GPC3: variants seen among roughly 807,000 people sequenced by gnomAD.
The protein encoded by GPC3 is glypican-3.
In GPC3, 3 loss-of-function variants were observed where a neutral mutation model predicts 34.4. The ratio of observed to expected loss-of-function variants is 0.09; its 90% confidence interval spans 0.04 to 0.23. The LOEUF (loss-of-function observed/expected upper bound fraction) is 0.23, where lower values mean the gene tolerates loss of function less well. Among genes scored for constraint, GPC3 ranks in the 10% least tolerant of loss-of-function variants. The pLI, the probability that GPC3 is intolerant of heterozygous loss-of-function variation, is 1.00. For missense variants in GPC3, 351 were observed against 445.6 expected (o/e 0.79, Z 1.91); for synonymous variants, 177 against 174.0 (o/e 1.02, Z -0.13).
chrX:133,649,422 T>C (rs777241137), intron 6 of GPC3, among the ~76,000 whole-genome samples: 7 of 111,296 alleles, frequency 6.3e-5, no homozygotes, highest in Non-Finnish European at 1.1e-4. Context: ...AAAGCTCAGA[T>C]CTGAGTTCCA....
chrX:133,893,009 A>G (rs1286509878), intron 2 of GPC3, among the ~76,000 whole-genome samples: 12 of 111,775 alleles, frequency 1.1e-4, no homozygotes, highest in Non-Finnish European at 2.3e-4. Context: ...TAATCCCAGA[A>G]CTTTGGGAGG....
chrX:133,765,861 A>T (rs2071839520), intron 2 of GPC3, among the ~76,000 whole-genome samples: 1 of 111,993 alleles, frequency 8.9e-6, no homozygotes, highest in African/African-American at 3.2e-5. Context: ...TCCATCATTA[A>T]TGAGAAGTAT....
intron 2 of GPC3, among the ~76,000 whole-genome samples, chrX:133,822,387 T>C (rs2075723979): frequency 8.9e-6 from 1 of 111,970 alleles, no homozygotes; most frequent in Admixed American, 9.5e-5. Context: ...AAGTGCTTCC[T>C]TTAAGTGAAA....
chrX:133,807,212 T>C (rs2075640881), intron 2 of GPC3, among the ~76,000 whole-genome samples: 1 of 110,563 alleles, frequency 9.0e-6, no homozygotes, highest in Non-Finnish European at 1.9e-5. Flanking sequence ...GTTCTCACTC[T>C]ATTAGTTTTT....
At chrX:133,712,978 C>T (rs1432513392) in intron 3 of GPC3, among the ~76,000 whole-genome samples, 1 of 112,242 alleles carries the variant, frequency 8.9e-6, no homozygotes, top group Non-Finnish European at 1.9e-5. Flanking sequence ...ATGCCACTCT[C>T]CAATGATGGA....
chrX:133,773,892 T>C (rs1420161989), intron 2 of GPC3, among the ~76,000 whole-genome samples: 1 of 111,821 alleles, frequency 8.9e-6, no homozygotes, highest in Admixed American at 9.5e-5. Context: ...CAGGACTACC[T>C]GAGTGTTAAG....
intron 3 of GPC3, among the ~76,000 whole-genome samples, chrX:133,716,287 G>A (rs111650394): frequency 9.0e-6 from 1 of 111,557 alleles, no homozygotes; most frequent in African/African-American, 3.3e-5. Context: ...AAGAAAGCAT[G>A]GCCCATCCAC....
At chrX:133,680,934 C>T (rs1452854694) in intron 5 of GPC3, among the ~76,000 whole-genome samples, 1 of 111,155 alleles carries the variant, frequency 9.0e-6, no homozygotes, top group East Asian at 2.8e-4. Flanking sequence ...ACCATTTGAA[C>T]CAACCATGAC....
intron 1 of GPC3, among the ~76,000 whole-genome samples, chrX:133,984,552 G>A (rs1435900145): frequency 8.9e-6 from 1 of 111,928 alleles, no homozygotes; most frequent in Non-Finnish European, 1.9e-5. Context: ...AGCCTGTCAA[G>A]AAGGCAGATG....
intron 1 of GPC3, among the ~76,000 whole-genome samples, chrX:133,959,889 G>A (rs775926029): frequency 8.9e-6 from 1 of 112,017 alleles, no homozygotes; most frequent in Non-Finnish European, 1.9e-5. Flanking sequence ...TAGGTTACTG[G>A]TTACATGGGT....
chrX:133,649,507 T>G (rs762050526), intron 6 of GPC3, among the ~76,000 whole-genome samples: 1 of 111,063 alleles, frequency 9.0e-6, no homozygotes, highest in Non-Finnish European at 1.9e-5. Flanking sequence ...CAATTACTGA[T>G]CAATCAATTT....
chrX:133,945,013 G>T (rs956295449), intron 2 of GPC3, among the ~76,000 whole-genome samples: 3 of 111,922 alleles, frequency 2.7e-5, no homozygotes, highest in Non-Finnish European at 3.8e-5. Flanking sequence ...CTAGGTGTTT[G>T]CCCCTTCCAA....
chrX:133,723,511 T>C (rs2071386877), intron 3 of GPC3, among the ~76,000 whole-genome samples: 1 of 112,310 alleles, frequency 8.9e-6, no homozygotes, highest in Non-Finnish European at 1.9e-5. Context: ...CATGTTGAAA[T>C]GTGATCTCCC....
At chrX:133,952,947 ATGC>A (rs1392818903) in intron 2 of GPC3, 100 bp downstream of exon 2, 1 of 771,933 alleles carries the variant, frequency 1.3e-6, no homozygotes, top group Admixed American at 2.3e-5. Context: ...GCAAGCATTA[ATGC>A]TGGAATGGTA....
intron 1 of GPC3, among the ~76,000 whole-genome samples, chrX:133,975,739 A>G (rs2076511927): frequency 8.9e-6 from 1 of 112,267 alleles, no homozygotes. Context: ...TGCTCAATAA[A>G]TGTTGGTTGA....
intron 2 of GPC3, among the ~76,000 whole-genome samples, chrX:133,948,127 C>G (rs755744299): frequency 5.4e-5 from 6 of 110,866 alleles, no homozygotes; most frequent in Non-Finnish European, 7.6e-5. Context: ...ATAATAAAAA[C>G]TAAATTAGCA....
intron 2 of GPC3, among the ~76,000 whole-genome samples, chrX:133,901,019 T>C (rs1251852569): frequency 8.9e-6 from 1 of 112,391 alleles, no homozygotes; most frequent in African/African-American, 3.2e-5. Context: ...GGAATTTCTG[T>C]TTGAATCAAA....
intron 2 of GPC3, among the ~76,000 whole-genome samples, chrX:133,757,839 G>A (rs760335001): frequency 1.8e-5 from 2 of 111,855 alleles, no homozygotes; most frequent in East Asian, 2.8e-4. Context: ...TATTTATGAA[G>A]TAACTGCAAG....
Position 133,641,235 on chromosome X carries a change from G to T in GPC3, c.1413+20495C>A, listed in dbSNP as rs143544906. Among the ~76,000 whole-genome samples the T allele has an allele frequency of 2.3e-3, 259 of 110,663 alleles. 1 individual carries two copies. Among genetic ancestry groups the T allele is most frequent in the South Asian group, 0.012 (31 of 2,562 alleles). On this transcript the variant is annotated intron_variant, in intron 6 of 7. Coordinates refer to ENST00000370818, the MANE Select transcript of GPC3 (RefSeq NM_004484.4). ...TCACGCCTGTAATCTCAGCACTTTG[G>T]GAGGCCGAGGCAGGCGCATCACTTG...
Sources: allele counts gnomAD v4.1 joint callset (sites outside exome capture counted in the v4.1 genomes callset), GRCh38; gene constraint gnomAD v4.1.1; transcripts MANE v1.5; gene names NCBI Gene and HGNC (gene_info 2026-07-23, HGNC 2026-07-21).